The following FRMD3 variants were observed in gnomAD, a reference collection of about 807,000 sequenced individuals.
FRMD3 encodes the protein FERM domain-containing protein 3.
In FRMD3, 33 loss-of-function variants were observed where a neutral mutation model predicts 70.2. The observed-to-expected ratio is 0.47, with a 90% CI of 0.36 to 0.63. The LOEUF is 0.63. Ranked by LOEUF, FRMD3 falls within the 20% of genes least tolerant of loss-of-function variation. The probability of loss-of-function intolerance (pLI) is 0.00; values close to 1 mark genes in which losing one functional copy is unlikely to be tolerated. For synonymous variants in FRMD3, 279 were observed against 255.9 expected (o/e 1.09, Z -0.86); for missense variants, 632 against 711.4 (o/e 0.89, Z 1.27).
intron 2 of FRMD3, among the ~76,000 whole-genome samples, chr9:83,389,336 G>A (rs555155119): frequency 1.1e-4 from 16 of 152,236 alleles, no homozygotes; most frequent in Non-Finnish European, 2.2e-4. Context: ...GGGACTTTGG[G>A]AAACCCTGGG....
Position 83,298,774 on chromosome 9 carries a change from G to T in FRMD3, c.1044C>A (p.Ile348=). Residue 348 remains isoleucine (I), a synonymous_variant, in exon 12 of 14, where the codon ATC becomes ATA. Coordinates refer to ENST00000304195, the MANE Select transcript of FRMD3 (RefSeq NM_174938.6). The part of the protein sequence containing the change: ...AKEVVEASSK[I]QREPPEVHRA... ...TGTGCACCTCAGGAGGCTCCCTCTG[G>T]ATCTTGGAACTGGCCTCCACCACCT... is the stretch of plus-strand genomic sequence containing the variant. 6.2e-7 allele frequency: 1 copy of T among 1,614,226 alleles called. No individual in the cohort carries two copies. Among genetic ancestry groups the T allele is most frequent in the East Asian group, 2.2e-5 (1 of 44,890 alleles).
At chr9:83,336,757 G>T (rs1823594629) in intron 5 of FRMD3, among the ~76,000 whole-genome samples, 1 of 148,754 alleles carries the variant, frequency 6.7e-6, no homozygotes, top group Admixed American at 6.8e-5. Flanking sequence ...ACATGATGAG[G>T]TCAGACCTCA....
At chr9:83,396,526 G>C (rs1825816341) in intron 1 of FRMD3, among the ~76,000 whole-genome samples, 1 of 152,180 alleles carries the variant, frequency 6.6e-6, no homozygotes, top group Non-Finnish European at 1.5e-5. Context: ...TGGTATGAGG[G>C]TAACCCCACC....
At chr9:83,423,007 G>T (rs1333163821) in intron 1 of FRMD3, among the ~76,000 whole-genome samples, 1 of 152,128 alleles carries the variant, frequency 6.6e-6, no homozygotes, top group Non-Finnish European at 1.5e-5. Flanking sequence ...TCAGGGAACA[G>T]CAACTAAAAT....
chr9:83,340,070 G>A (rs895577889), intron 5 of FRMD3, among the ~76,000 whole-genome samples: 1 of 152,154 alleles, frequency 6.6e-6, no homozygotes, highest in Non-Finnish European at 1.5e-5. Flanking sequence ...GCCAGGTGTG[G>A]TGGTGCACAC....
intron 1 of FRMD3, among the ~76,000 whole-genome samples, chr9:83,517,624 A>T (rs1337100982): frequency 6.6e-6 from 1 of 152,088 alleles, no homozygotes; most frequent in Non-Finnish European, 1.5e-5. Flanking sequence ...AGAGGGACTC[A>T]TCCCTAACTC....
intron 3 of FRMD3, among the ~76,000 whole-genome samples, chr9:83,366,547 T>C (rs1330398533): frequency 6.6e-6 from 1 of 152,030 alleles, no homozygotes; most frequent in Non-Finnish European, 1.5e-5. Flanking sequence ...TACTCCAGCC[T>C]GGGCAACAAG....
intron 13 of FRMD3, among the ~76,000 whole-genome samples, chr9:83,264,388 T>C (rs921439395): frequency 6.6e-6 from 1 of 152,196 alleles, no homozygotes; most frequent in Non-Finnish European, 1.5e-5. Context: ...GGTAGATACA[T>C]GCCATTAAAC....
intron 1 of FRMD3, among the ~76,000 whole-genome samples, chr9:83,479,658 AGG>A (rs1185741731): frequency 5.5e-5 from 3 of 54,346 alleles, no homozygotes; most frequent in African/African-American, 2.1e-4. Flanking sequence ...GAAGGAAGGA[AGG>A]AAGGAAGGAA....
chr9:83,312,081 C>G, intron 7 of FRMD3, 106 bp from the exon 8 acceptor site: 1 of 804,274 alleles, frequency 1.2e-6, no homozygotes, highest in Non-Finnish European at 1.9e-6. Flanking sequence ...TAATTTTAGA[C>G]TAATCCCAAT....
chr9:83,410,997 T>C (rs1826263038), intron 1 of FRMD3, among the ~76,000 whole-genome samples: 1 of 152,172 alleles, frequency 6.6e-6, no homozygotes, highest in African/African-American at 2.4e-5. Flanking sequence ...CCTCAGGGTG[T>C]TTTGGGACAT....
intron 1 of FRMD3, among the ~76,000 whole-genome samples, chr9:83,502,071 A>G (rs1385344170): frequency 6.6e-6 from 1 of 152,170 alleles, no homozygotes; most frequent in Non-Finnish European, 1.5e-5. Context: ...GAGACAGAAA[A>G]TATTAACTGT....
At position 83,351,759 on chromosome 9, in the gene FRMD3, T is replaced by C. The variant is rs557508627; in HGVS notation, c.296-2002A>G. Among the ~76,000 whole-genome samples the C allele has an allele frequency of 3.9e-5, 6 of 151,920 alleles. No individual in the cohort carries two copies. The South Asian group carries it at 1.2e-3, about 32-fold the overall frequency. ...CATGCCATCCTGCTTCATTATTCAC[T>C]TTGTCTCTAATCCTGCCCCATCTGT... On this transcript the variant is annotated intron_variant, in intron 3 of 13. Transcript: ENST00000304195.
At chr9:83,540,527 A>G (rs1829988498), upstream of FRMD3, among the ~76,000 whole-genome samples, 1 of 152,246 alleles carries the variant, frequency 6.6e-6, no homozygotes, top group Admixed American at 6.5e-5. Context: ...AGATTCAACT[A>G]GTATGAAAAT....
chr9:83,354,057 T>G (rs2131198017), intron 3 of FRMD3, among the ~76,000 whole-genome samples: 1 of 152,260 alleles, frequency 6.6e-6, no homozygotes. Context: ...CCCAAGTAGC[T>G]GAGAATACAG....
intron 1 of FRMD3, among the ~76,000 whole-genome samples, chr9:83,524,521 C>T (rs1829645669): frequency 6.6e-6 from 1 of 152,146 alleles, no homozygotes; most frequent in Non-Finnish European, 1.5e-5. Flanking sequence ...GAGGTGTGAT[C>T]TGTGTATGGC....
intron 3 of FRMD3, among the ~76,000 whole-genome samples, chr9:83,362,111 T>C (rs1824604073): frequency 6.6e-6 from 1 of 151,910 alleles, no homozygotes; most frequent in Admixed American, 6.6e-5. Context: ...GAGTCAATCA[T>C]CCAAGCTGGC....
chr9:83,290,654 G>A lies in FRMD3; in HGVS notation c.1144C>T (p.Pro382Ser), dbSNP rs1834380787. 7 of 1,614,050 alleles carry A rather than the reference G, an allele frequency of 4.3e-6. No individual in the cohort carries two copies. The highest frequency in any genetic ancestry group is 2.2e-5 in the South Asian group (2 of 91,068). Residue 382 changes from proline (P) to serine (S), a missense_variant, in exon 13 of 14, where the codon CCC (proline) becomes TCC (serine). By Grantham distance (74) the Pro-to-Ser change is moderately conservative. Transcript: ENST00000304195. ...QLIINMEPLQPLLPSPSEQEE... is the reference protein window; with the variant it reads ...QLIINMEPLQSLLPSPSEQEE... ...TGCTCGCTGGGGGAAGGAAGCAGGG[G>A]CTGCAGGGGTTCCATGTTAATGATG...
At chr9:83,487,385 G>T (rs1828711539) in intron 1 of FRMD3, among the ~76,000 whole-genome samples, 1 of 152,054 alleles carries the variant, frequency 6.6e-6, no homozygotes, top group African/African-American at 2.4e-5. Context: ...ATAAGAAAGA[G>T]CTTAAGACTT....
Sources: gnomAD v4.1 joint callset for allele counts (sites outside exome capture counted in the v4.1 genomes callset) on GRCh38, gnomAD v4.1.1 for gene constraint, MANE v1.5 for transcripts, NCBI Gene and HGNC (gene_info 2026-07-23, HGNC 2026-07-21) for gene names.